The following USH2A variants were observed in gnomAD, a reference collection of about 807,000 sequenced individuals.
The protein encoded by USH2A is usherin.
In USH2A, 443 loss-of-function variants were observed where a neutral mutation model predicts 538.9. The ratio of observed to expected loss-of-function variants is 0.82; its 90% CI spans 0.76 to 0.89. The LOEUF is 0.89. Among genes scored for constraint, USH2A ranks in the 40% least tolerant of loss-of-function variants. USH2A has a pLI of 0.00. For missense variants in USH2A, 6,633 were observed against 6,324.8 expected (o/e 1.05, Z -1.65); for synonymous variants, 2,413 against 2,273.5 (o/e 1.06, Z -1.75).
chr1:215,804,082 T>C (rs1054422241), intron 49 of USH2A, among the ~76,000 whole-genome samples: 4 of 152,172 alleles, frequency 2.6e-5, no homozygotes, highest in Admixed American at 1.3e-4. Flanking sequence ...GCTAGCCATA[T>C]GTAGAAAGCT....
chr1:216,020,681 A>G (rs1668825518), intron 32 of USH2A, among the ~76,000 whole-genome samples: 2 of 152,166 alleles, frequency 1.3e-5, no homozygotes, highest in African/African-American at 4.8e-5. Context: ...TGGAACTTTC[A>G]GCTTCACTAC....
chr1:215,979,572 T>C (rs1667702594), intron 35 of USH2A, among the ~76,000 whole-genome samples: 1 of 151,726 alleles, frequency 6.6e-6, no homozygotes, highest in Non-Finnish European at 1.5e-5. Context: ...ACAGGAAAAA[T>C]AATTATTAAA....
chr1:215,992,576 G>T (rs1317961763), intron 35 of USH2A, among the ~76,000 whole-genome samples: 4 of 152,154 alleles, frequency 2.6e-5, no homozygotes, highest in Admixed American at 2.0e-4. Flanking sequence ...AAAATACAGA[G>T]TTCCAAGTGG....
chr1:216,353,961 C>T (rs374083725), intron 4 of USH2A, among the ~76,000 whole-genome samples: 4 of 152,072 alleles, frequency 2.6e-5, no homozygotes, highest in Non-Finnish European at 5.9e-5. Flanking sequence ...GGGCTACTCC[C>T]ATACTTAGCT....
chr1:216,339,388 C>A (rs903917869), intron 4 of USH2A, among the ~76,000 whole-genome samples: 4 of 151,450 alleles, frequency 2.6e-5, no homozygotes, highest in East Asian at 1.9e-4. Flanking sequence ...AATGTTTGAC[C>A]ATTTTTAATC....
intron 60 of USH2A, among the ~76,000 whole-genome samples, chr1:215,737,887 A>G (rs1336812223): frequency 6.6e-6 from 1 of 152,020 alleles, no homozygotes; most frequent in Non-Finnish European, 1.5e-5. Flanking sequence ...AAATTATTTC[A>G]GATTTTATCC....
At chr1:216,043,890 C>G (rs771332720) in intron 32 of USH2A, among the ~76,000 whole-genome samples, 22 of 152,048 alleles carry the variant, frequency 1.4e-4, no homozygotes, top group Non-Finnish European at 3.1e-4. Context: ...AGTTTCTCTT[C>G]CCCTGGCTGT....
At chr1:215,897,532 T>TA (rs1374518488) in intron 40 of USH2A, among the ~76,000 whole-genome samples, 1 of 151,530 alleles carries the variant, frequency 6.6e-6, no homozygotes, top group Non-Finnish European at 1.5e-5. Context: ...ATAAAAATAT[T>TA]AAAAAAATTA....
rs141002140 is a variant in USH2A at position 216,131,442 on chromosome 1, CTTTGA to C, written c.4628-34234_4628-34230del. 3.8e-3 allele frequency among the ~76,000 whole-genome samples: 579 copies of C among 152,088 alleles called. 2 individuals are homozygous for C. The highest frequency in any genetic ancestry group is 0.013 in the African/African-American group (555 of 41,514). ...ATCTTCTAGAATTTTTAGTTCAGAT[CTTTGA>C]TTTAAGTCCTTGATCCATCTTGAGT... On this transcript the variant is annotated intron_variant, in intron 21 of 71. Transcript: ENST00000307340.
chr1:216,166,515 T>C (rs1028832794), intron 21 of USH2A, among the ~76,000 whole-genome samples: 1 of 152,116 alleles, frequency 6.6e-6, no homozygotes, highest in African/African-American at 2.4e-5. Context: ...CTGGAGAAGA[T>C]TGAAACTGTT....
At chr1:216,278,870 T>C (rs953972249) in intron 11 of USH2A, among the ~76,000 whole-genome samples, 2 of 152,172 alleles carry the variant, frequency 1.3e-5, no homozygotes, top group African/African-American at 4.8e-5. Flanking sequence ...AGAAAAATGG[T>C]ACATTATGCA....
intron 4 of USH2A, among the ~76,000 whole-genome samples, chr1:216,362,022 T>A (rs183957417): frequency 5.9e-5 from 9 of 152,312 alleles, no homozygotes; most frequent in South Asian, 2.1e-4. Context: ...CTGGAAATAT[T>A]CTACGACTTT....
intron 15 of USH2A, among the ~76,000 whole-genome samples, chr1:216,212,630 G>A (rs561166171): frequency 6.6e-6 from 1 of 151,978 alleles, no homozygotes; most frequent in African/African-American, 2.4e-5. Context: ...TATATTAAGA[G>A]AATGATAATG....
In USH2A at chr1:216,421,754, T is replaced by C. The variant is rs182484453; in HGVS notation, c.485+98A>G. ...TTAGTCTTCAATACCATGAATTCTA[T>C]ATAGCCTTCACTTCCGGTTTGGAAT... On this transcript the variant is annotated intron_variant, in intron 2 of 71. Transcript: ENST00000307340. 5.2e-5 allele frequency: 82 copies of C among 1,581,230 alleles called. No homozygotes were observed. The East Asian group carries it at 1.5e-3, about 28-fold the overall frequency.
Position 215,728,103 on chromosome 1 carries a change from T to A in USH2A, c.11993A>T (p.Tyr3998Phe). The A allele has an allele frequency of 4.3e-6, 7 of 1,614,224 alleles. No homozygotes were observed. In the South Asian group the frequency reaches 7.7e-5, roughly 18 times the overall value. Residue 3998 changes from tyrosine (Y) to phenylalanine (F), a missense_variant, in exon 61 of 72, where the codon TAC becomes TTC. By Grantham distance (22) the Tyr-to-Phe change is conservative. Coordinates refer to ENST00000307340, the MANE Select transcript of USH2A (RefSeq NM_206933.4). ...GGGTCTCTCCTGGTAGACCACACGGTAATGGGAGATAATGCCATTGGGAGA... is the reference window on the plus strand; with the variant it reads ...GGGTCTCTCCTGGTAGACCACACGGAAATGGGAGATAATGCCATTGGGAGA... ...PESPNGIISHYRVVYQERPDD... is the reference protein window; with the variant it reads ...PESPNGIISHFRVVYQERPDD...
In USH2A at chr1:215,891,451, T is replaced by C. The variant is rs116387874; in HGVS notation, c.7595-2397A>G. Among the ~76,000 whole-genome samples the C allele has an allele frequency of 3.8e-3, 575 of 152,306 alleles. 1 individual carries two copies. The highest frequency in any genetic ancestry group is 6.4e-3 in the Non-Finnish European group (437 of 68,038). On this transcript the variant is annotated intron_variant, in intron 40 of 71. Coordinates refer to ENST00000307340, the MANE Select transcript of USH2A (RefSeq NM_206933.4). ...CTTTAAAATGATAAGCCGAATCATCTAATTCTATATACAAATCAACTGGCC... is the reference window on the plus strand; with the variant it reads ...CTTTAAAATGATAAGCCGAATCATCCAATTCTATATACAAATCAACTGGCC...
At chr1:216,278,410 T>C (rs1456326701) in intron 11 of USH2A, among the ~76,000 whole-genome samples, 1 of 152,192 alleles carries the variant, frequency 6.6e-6, no homozygotes, top group African/African-American at 2.4e-5. Context: ...TTCCCTTCTT[T>C]TCCCATTTAT....
Position 215,781,286 on chromosome 1 carries a change from G to A in USH2A, c.10740+756C>T, listed in dbSNP as rs146794152. 1.7e-3 allele frequency among the ~76,000 whole-genome samples: 252 copies of A among 152,150 alleles called. 2 individuals carry two copies. The highest frequency in any genetic ancestry group is 0.01 in the Middle Eastern group (3 of 294). ...AAAGTGCCAAGTACTATCTGCTTCC[G>A]CCACCCTGCTATCTGATCCTTCTCT... On this transcript the variant is annotated intron_variant, in intron 54 of 71. Transcript: ENST00000307340.
rs1661140888 is a variant in USH2A, at chr1:215,766,750, C to A, written c.10978G>T (p.Ala3660Ser). 1 of 1,613,560 alleles carries A rather than the reference C, an allele frequency of 6.2e-7. No homozygotes were observed. Among genetic ancestry groups the A allele is most frequent in the African/African-American group, 1.3e-5 (1 of 74,980 alleles). ...GAAGTGCACCCAGCAGATGTACAAGCTGTAAGAGTGAAGCTGTAGTTGGTG... is the reference window on the plus strand; with the variant it reads ...GAAGTGCACCCAGCAGATGTACAAGATGTAAGAGTGAAGCTGTAGTTGGTG... Reference protein sequence around the residue: ...PYTNYSFTLTACTSAGCTSSE... With the variant: ...PYTNYSFTLTSCTSAGCTSSE... The change falls in exon 56 of 72, where the codon GCT (alanine) becomes TCT (serine). Residue 3660 changes from alanine to serine, a missense_variant. Ala to Ser is a moderately conservative substitution (Grantham distance 99, BLOSUM62 1). Coordinates refer to ENST00000307340, the MANE Select transcript of USH2A (RefSeq NM_206933.4).
Sources: allele counts gnomAD v4.1 joint callset (sites outside exome capture counted in the v4.1 genomes callset), GRCh38; gene constraint gnomAD v4.1.1; transcripts MANE v1.5; gene names NCBI Gene and HGNC (gene_info 2026-07-23, HGNC 2026-07-21).